The following LNPEP variants were observed in gnomAD, a reference collection of about 807,000 sequenced individuals.
The protein encoded by LNPEP is leucyl and cystinyl aminopeptidase, also known as leucyl-cystinyl aminopeptidase.
In LNPEP, 64 loss-of-function variants were observed where a neutral mutation model predicts 120.6. That is an observed-to-expected ratio of 0.53 (90% CI 0.43 to 0.65). The LOEUF (loss-of-function observed/expected upper bound fraction) is 0.65, where lower values mean the gene tolerates loss of function less well. Among genes scored for constraint, LNPEP ranks in the 30% least tolerant of loss-of-function variants. The probability of loss-of-function intolerance (pLI) is 0.00; values close to 1 mark genes in which losing one functional copy is unlikely to be tolerated. For missense variants in LNPEP, 1,057 were observed against 1,200.0 expected, an observed-to-expected ratio of 0.88 and a Z score of 1.76; for synonymous variants, 435 against 425.4, an observed-to-expected ratio of 1.02 and a Z score of -0.28.
At position 97,031,364 on chromosome 5, in the gene LNPEP, T is replaced by C. The variant is rs1388694340; in HGVS notation, c.*2831T>C. On this transcript the variant is annotated 3_prime_UTR_variant, in exon 18 of 18. Transcript: ENST00000231368. ...TTGGGCCTTCCTCCATCTTGTTTTATTTAAGTCTCTTTAAATGAAATTTTG... is the reference window on the plus strand; with the variant it reads ...TTGGGCCTTCCTCCATCTTGTTTTACTTAAGTCTCTTTAAATGAAATTTTG... The C allele has an allele frequency of 6.6e-6, 1 of 152,178 alleles. No homozygotes were observed. Among genetic ancestry groups the C allele is most frequent in the Non-Finnish European group, 1.5e-5 (1 of 68,038 alleles). The allele number at this position is 152,178 out of a possible 1,614,324, so 9.4% of individuals were successfully genotyped here.
At position 96,954,625 on chromosome 5, in the gene LNPEP, T is replaced by TATATATAC. The variant is rs57979341; in HGVS notation, c.19+18477_19+18484dup. ...CTCTCTCTCTCTCTCTCTCTATATATATATATACATATATACATATATACA... is the reference window on the plus strand; with the variant it reads ...CTCTCTCTCTCTCTCTCTCTATATATATATATACATATATACATATATACATATATACA... On this transcript the variant is annotated intron_variant, in intron 1 of 17. Coordinates refer to ENST00000231368, the MANE Select transcript of LNPEP (RefSeq NM_005575.3). Among the ~76,000 whole-genome samples the TATATATAC allele has an allele frequency of 8.7e-4, 105 of 121,368 alleles. 12 individuals carry two copies. Among genetic ancestry groups the TATATATAC allele is most frequent in the African/African-American group, 2.6e-3 (85 of 32,238 alleles). 79.6% of individuals were successfully genotyped at this position (121,368 alleles called of 152,430 possible).
intron 1 of LNPEP, among the ~76,000 whole-genome samples, chr5:96,959,421 T>A (rs1561431979): frequency 6.6e-6 from 1 of 152,208 alleles, no homozygotes. Flanking sequence ...TATTTTGTTG[T>A]AGTCTTTTGT....
chr5:96,979,420 G>A lies in LNPEP; in HGVS notation c.302G>A (p.Gly101Glu). The change falls in exon 2 of 18, where the codon GGG (glycine) becomes GAG (glutamate). Residue 101 changes from glycine (G) to glutamate (E), a missense_variant. By Grantham distance (98) the Gly-to-Glu change is moderately conservative. Coordinates refer to ENST00000231368, the MANE Select transcript of LNPEP (RefSeq NM_005575.3). ...ACTGGTTACAGGCAGAGCCCAGATG[G>A]GGCTTGTTCAGTACCCTCTGCAAGG... Reference protein sequence around the residue: ...SATGYRQSPDGACSVPSARTM... With the variant: ...SATGYRQSPDEACSVPSARTM... 1 of 1,614,064 alleles carries A rather than the reference G, an allele frequency of 6.2e-7. No individual in the cohort carries two copies. The highest frequency in any genetic ancestry group is 1.7e-4 in the Middle Eastern group (1 of 6,060).
intron 1 of LNPEP, among the ~76,000 whole-genome samples, chr5:96,951,903 A>G (rs968096567): frequency 4.9e-4 from 74 of 152,232 alleles, no homozygotes; most frequent in African/African-American, 1.7e-3. Context: ...CTAAACTTGC[A>G]TGTTTGGATC....
intron 4 of LNPEP, among the ~76,000 whole-genome samples, chr5:96,990,043 A>T (rs1260551879): frequency 1.3e-5 from 2 of 151,818 alleles, no homozygotes; most frequent in Admixed American, 6.6e-5. Context: ...TGATGTTTCT[A>T]TTGGGGTACC....
chr5:96,954,768 A>ATTTTTTT (rs1581981619), intron 1 of LNPEP, among the ~76,000 whole-genome samples: 6 of 36,096 alleles, frequency 1.7e-4, no homozygotes, highest in Admixed American at 3.9e-4. Flanking sequence ...ATATATATAT[A>ATTTTTTT]TATATTTTTT....
At chr5:96,947,582 CCTTT>C (rs1789217195) in intron 1 of LNPEP, among the ~76,000 whole-genome samples, 1 of 151,972 alleles carries the variant, frequency 6.6e-6, no homozygotes, top group Admixed American at 6.6e-5. Context: ...TTTGAGATGT[CCTTT>C]AGACAGATTT....
At chr5:96,943,979 C>T (rs1338926154) in intron 1 of LNPEP, among the ~76,000 whole-genome samples, 1 of 152,140 alleles carries the variant, frequency 6.6e-6, no homozygotes, top group African/African-American at 2.4e-5. Context: ...AAGGCTTCTT[C>T]AACTGAGGGA....
Position 97,003,396 on chromosome 5 carries a change from TC to T in LNPEP, c.1654-18del. ...ATTCTATTATTTTCTTTCTTTTTCCTCACTTTTTTTTTTAATAGGGATCTTC... is the reference window on the plus strand; with the variant it reads ...ATTCTATTATTTTCTTTCTTTTTCCTACTTTTTTTTTTAATAGGGATCTTC... On this transcript the variant is annotated intron_variant, in intron 8 of 17. Transcript: ENST00000231368. 1 of 1,353,190 alleles carries T rather than the reference TC, an allele frequency of 7.4e-7. No homozygotes were observed. Among genetic ancestry groups the T allele is most frequent in the African/African-American group, 1.8e-5 (1 of 54,814 alleles). 83.8% of individuals were successfully genotyped at this position (1,353,190 alleles called of 1,614,324 possible).
chr5:96,993,709 TA>T, intron 5 of LNPEP, 107 bp from the exon 6 acceptor site: 1 of 1,016,952 alleles, frequency 9.8e-7, no homozygotes, highest in Non-Finnish European at 1.5e-6. Context: ...ATTGTGAGTA[TA>T]AAAAGAATTC....
chr5:97,022,393 C>A lies in LNPEP; in HGVS notation c.2470C>A (p.Leu824Ile). The A allele has an allele frequency of 6.2e-7, 1 of 1,613,932 alleles. No individual in the cohort carries two copies. The highest frequency in any genetic ancestry group is 8.5e-7 in the Non-Finnish European group (1 of 1,179,830). ...PSMRELRSAL[L>I]EFACTHNLGN... ...TATGCGAGAGCTTCGGTCAGCCCTG[C>A]TAGAGTTTGCTTGCACCCACAACCT... Residue 824 changes from leucine to isoleucine, a missense_variant, in exon 14 of 18, where the codon CTA becomes ATA. Leu to Ile is a conservative substitution (Grantham distance 5). Coordinates refer to ENST00000231368, the MANE Select transcript of LNPEP (RefSeq NM_005575.3).
At chr5:96,960,197 C>T (rs1424967138) in intron 1 of LNPEP, among the ~76,000 whole-genome samples, 1 of 152,066 alleles carries the variant, frequency 6.6e-6, no homozygotes, top group African/African-American at 2.4e-5. Flanking sequence ...CTTGGCCTCC[C>T]AAAGTGCTGA....
chr5:96,953,097 G>C (rs1387916181), intron 1 of LNPEP, among the ~76,000 whole-genome samples: 1 of 152,198 alleles, frequency 6.6e-6, no homozygotes, highest in African/African-American at 2.4e-5. Flanking sequence ...GGCCTAACCA[G>C]GTCAGCCTGG....
rs1393195450 is a variant in LNPEP at position 96,985,255 on chromosome 5, T to A, written c.999+37T>A. 2.6e-6 allele frequency: 4 copies of A among 1,563,154 alleles called. No individual in the cohort carries two copies. The South Asian group carries it at 4.8e-5, about 19-fold the overall frequency. On this transcript the variant is annotated intron_variant, in intron 3 of 17. Coordinates refer to ENST00000231368, the MANE Select transcript of LNPEP (RefSeq NM_005575.3). ...TTCCTTGAATGTAAAAATCTTTGAA[T>A]GGGTCTCTTTCTTTAAGAACACTTA...
At chr5:96,985,588 T>G (rs1386418333) in intron 3 of LNPEP, among the ~76,000 whole-genome samples, 1 of 152,156 alleles carries the variant, frequency 6.6e-6, no homozygotes, top group Non-Finnish European at 1.5e-5. Flanking sequence ...TAATAACTCT[T>G]TTTGGTGTTT....
intron 1 of LNPEP, among the ~76,000 whole-genome samples, chr5:96,946,212 T>G (rs1381663491): frequency 1.3e-5 from 2 of 152,216 alleles, no homozygotes; most frequent in East Asian, 3.8e-4. Flanking sequence ...TGAAGATAAC[T>G]CAAACTGAAC....
chr5:97,027,702 T>C, intron 16 of LNPEP, 31 bp from the exon 17 acceptor site: 1 of 1,387,570 alleles, frequency 7.2e-7, no homozygotes, highest in East Asian at 2.3e-5. Flanking sequence ...AGCTGCCTAA[T>C]CTTTTTGCTC....
chr5:96,994,869 A>G (rs2112630044), intron 6 of LNPEP, among the ~76,000 whole-genome samples: 1 of 152,286 alleles, frequency 6.6e-6, no homozygotes, highest in East Asian at 1.9e-4. Context: ...CAGCACTTTG[A>G]GAGGCGGAGG....
chr5:96,969,335 T>C (rs1419380266), intron 1 of LNPEP, among the ~76,000 whole-genome samples: 1 of 151,956 alleles, frequency 6.6e-6, no homozygotes, highest in Non-Finnish European at 1.5e-5. Context: ...AATATTTGGA[T>C]TTACAAAGAA....
Sources: allele counts gnomAD v4.1 joint callset (sites outside exome capture counted in the v4.1 genomes callset), GRCh38; gene constraint gnomAD v4.1.1; transcripts MANE v1.5; gene names NCBI Gene and HGNC (gene_info 2026-07-23, HGNC 2026-07-21).